The following ZNF487 variants were observed in gnomAD, a reference collection of about 807,000 sequenced individuals.
ZNF487 encodes KRAB domain only 1.
In ZNF487, 4 loss-of-function variants were observed where a neutral mutation model predicts 3.0. The ratio of observed to expected loss-of-function variants is 1.35; its 90% confidence interval spans 0.66 to 3.08. The LOEUF is 3.08. ZNF487 is among the 30% of genes most tolerant of loss of function. The pLI, the probability that ZNF487 is intolerant of heterozygous loss-of-function variation, is 0.01. For synonymous variants in ZNF487, 55 were observed against 34.6 expected (o/e 1.59, Z -2.06); for missense variants, 146 against 98.7 (o/e 1.48, Z -2.03).
In ZNF487 at chr10:43,477,585, T is replaced by C. The variant is rs116458867; in HGVS notation, c.130+1383T>C. ...AGTAAATGCTAAAAGAAAGTAATAC[T>C]TGTAACTTCTAAACTTTTAAAAAGA... On this transcript the variant is annotated intron_variant, in intron 3 of 3. Transcript: ENST00000437590. Among the ~76,000 whole-genome samples, 668 of 152,032 alleles carry C rather than the reference T, an allele frequency of 4.4e-3. 2 individuals are homozygous for C. Among genetic ancestry groups the C allele is most frequent in the African/African-American group, 0.015 (633 of 41,476 alleles).
chr10:43,489,658 T>C, the ZNF487 span, among the ~76,000 whole-genome samples: 1 of 152,118 alleles, frequency 6.6e-6, no homozygotes, highest in Non-Finnish European at 1.5e-5. Context: ...CTGGCCTAGA[T>C]ACAAATGTTA....
At chr10:43,517,287 T>A in the ZNF487 span, among the ~76,000 whole-genome samples, 3 of 152,390 alleles carry the variant, frequency 2.0e-5, no homozygotes, top group Non-Finnish European at 2.9e-5. Flanking sequence ...ACAATGTTAA[T>A]ACAAATATCT....
chr10:43,493,370 TCTC>T, the ZNF487 span, among the ~76,000 whole-genome samples: 1 of 151,836 alleles, frequency 6.6e-6, no homozygotes, highest in Middle Eastern at 3.2e-3. Context: ...ACTGCTTTAT[TCTC>T]TGTCTTTGTA....
chr10:43,509,601 G>C, the ZNF487 span, among the ~76,000 whole-genome samples: 1 of 151,856 alleles, frequency 6.6e-6, no homozygotes. Flanking sequence ...CAAAAGGATT[G>C]GAGTCCAATG....
At chr10:43,438,336 C>T (rs1839458419) in intron 1 of ZNF487, among the ~76,000 whole-genome samples, 1 of 152,134 alleles carries the variant, frequency 6.6e-6, no homozygotes, top group African/African-American at 2.4e-5. Flanking sequence ...CAGGCACGTG[C>T]CACCACACCC....
chr10:43,444,674 G>C (rs574524578), intron 1 of ZNF487, among the ~76,000 whole-genome samples: 2 of 152,200 alleles, frequency 1.3e-5, no homozygotes, highest in African/African-American at 4.8e-5. Flanking sequence ...GCTCAGGTCA[G>C]CCTCTCATCT....
chr10:43,489,223 G>A, the ZNF487 span, among the ~76,000 whole-genome samples: 2 of 145,884 alleles, frequency 1.4e-5, no homozygotes, highest in Non-Finnish European at 3.0e-5. Context: ...TGCCAAGGAA[G>A]GAGGATTGCT....
At chr10:43,509,615 G>A in the ZNF487 span, among the ~76,000 whole-genome samples, 3 of 152,016 alleles carry the variant, frequency 2.0e-5, no homozygotes, top group East Asian at 1.9e-4. Context: ...TCCAATGTTC[G>A]AGGGCAGGAA....
chr10:43,452,544 T>C (rs990252286), intron 1 of ZNF487: 1 of 152,052 alleles, frequency 6.6e-6, no homozygotes, highest in African/African-American at 2.4e-5. Context: ...TTTGTAGAGA[T>C]GAGGAGTGCC....
chr10:43,508,087 G>C, the ZNF487 span, among the ~76,000 whole-genome samples: 1 of 152,134 alleles, frequency 6.6e-6, no homozygotes, highest in Non-Finnish European at 1.5e-5. Flanking sequence ...CCTCTGTAGG[G>C]TCATAGGGAA....
rs1398905352 is a variant in ZNF487, at chr10:43,437,197, CCCT to C, written c.-153_-151del. ...CGACTACCAGGTACCTCGGGTTCCT[CCCT>C]CCTCCGAGAGACCGCCGAGGTGCGG... On this transcript the variant is annotated 5_prime_UTR_variant, in exon 1 of 4. Transcript: ENST00000437590. 7.7e-6 allele frequency: 2 copies of C among 259,114 alleles called. No homozygotes were observed. The highest frequency in any genetic ancestry group is 1.5e-5 in the Non-Finnish European group (2 of 129,290). 16.1% of individuals were successfully genotyped at this position (259,114 alleles called of 1,614,324 possible). A position where few individuals can be genotyped will look rare whatever the true frequency, so the allele number is the denominator to read the frequency against.
the ZNF487 span, among the ~76,000 whole-genome samples, chr10:43,506,138 C>T: frequency 6.6e-6 from 1 of 152,140 alleles, no homozygotes; most frequent in South Asian, 2.1e-4. Context: ...AACATTTACT[C>T]ATGATGGAGT....
At chr10:43,494,673 C>T in the ZNF487 span, among the ~76,000 whole-genome samples, 3 of 146,910 alleles carry the variant, frequency 2.0e-5, no homozygotes, top group South Asian at 4.4e-4. Flanking sequence ...TGAGGCTGGG[C>T]GTGAGGCTCA....
chr10:43,464,678 C>T (rs1840592506), intron 1 of ZNF487, among the ~76,000 whole-genome samples: 1 of 152,178 alleles, frequency 6.6e-6, no homozygotes, highest in East Asian at 1.9e-4. Flanking sequence ...TCAGAGAGCA[C>T]AGGGTTGGGG....
chr10:43,463,037 C>G (rs1230481278), intron 1 of ZNF487, among the ~76,000 whole-genome samples: 5 of 151,724 alleles, frequency 3.3e-5, no homozygotes, highest in Non-Finnish European at 7.4e-5. Flanking sequence ...GAGTTTGAGA[C>G]CAGCCTGACC....
the ZNF487 span, among the ~76,000 whole-genome samples, chr10:43,516,853 C>T: frequency 9.2e-5 from 14 of 152,286 alleles, no homozygotes; most frequent in Non-Finnish European, 2.1e-4. Flanking sequence ...TCAATCCAAT[C>T]GTTGACACCT....
chr10:43,466,406 C>CT (rs529133882), intron 1 of ZNF487, among the ~76,000 whole-genome samples: 7,065 of 140,950 alleles, frequency 0.05, 204 homozygotes, highest in Non-Finnish European at 0.066. Context: ...TTCTTTCTTT[C>CT]TTTTTTTTTT....
At chr10:43,473,449 G>C (rs1840978712) in intron 1 of ZNF487, among the ~76,000 whole-genome samples, 1 of 152,000 alleles carries the variant, frequency 6.6e-6, no homozygotes, top group Non-Finnish European at 1.5e-5. Context: ...TATTAGAGGA[G>C]TTCATAATAA....
rs746928664 is a variant in ZNF487, at chr10:43,444,404, A to T, written c.-94+7142A>T. On this transcript the variant is annotated intron_variant, in intron 1 of 3. Transcript: ENST00000437590. The stretch of plus-strand genomic sequence containing the variant: ...TCCATATCATGTTTATTTATATATA[A>T]TTTCAGGGTATTGAGCTTTACTTAA... 3.3e-5 allele frequency among the ~76,000 whole-genome samples: 5 copies of T among 152,128 alleles called. No individual in the cohort carries two copies. In the East Asian group the frequency reaches 9.6e-4, roughly 29 times the overall value.
Sources: allele counts gnomAD v4.1 joint callset (sites outside exome capture counted in the v4.1 genomes callset), GRCh38; gene constraint gnomAD v4.1.1; transcripts MANE v1.5; gene names NCBI Gene and HGNC (gene_info 2026-07-23, HGNC 2026-07-21).